Variants in EXOC3L4 observed in about 807,000 individuals in gnomAD.
EXOC3L4 encodes exocyst complex component 3 like 4, also known as exocyst complex component 3-like protein 4.
Under a neutral mutation model 69.7 loss-of-function variants are expected in EXOC3L4, and 62 were observed. The ratio of observed to expected loss-of-function variants is 0.89; its 90% CI spans 0.72 to 1.10. The LOEUF is 1.10. Among genes scored for constraint, EXOC3L4 ranks in the 50% least tolerant of loss-of-function variants. EXOC3L4 has a pLI of 0.00. For synonymous variants in EXOC3L4, 502 were observed against 464.2 expected, an observed-to-expected ratio of 1.08 and a Z score of -1.05; for missense variants, 1,087 against 1,034.8, an observed-to-expected ratio of 1.05 and a Z score of -0.69.
rs371749916 is a variant in EXOC3L4 at position 103,110,254 on chromosome 14, T to C, written c.*31T>C. On this transcript the variant is annotated 3_prime_UTR_variant, in exon 12 of 12. Transcript: ENST00000688303. ...TCTGGCTCGAGGGGGGGCCGGCCGC[T>C]GGCAGGGAGCTGTGGTCAGTGGGGG... 1.9e-4 allele frequency: 288 copies of C among 1,494,802 alleles called. 1 individual carries two copies. In the African/African-American group the frequency reaches 3.4e-3, roughly 18 times the overall value. 92.6% of individuals were successfully genotyped at this position (1,494,802 alleles called of 1,614,324 possible). A position where few individuals can be genotyped will look rare whatever the true frequency, so the allele number is the denominator to read the frequency against.
rs1352186470 is a variant in EXOC3L4, at chr14:103,107,744, C to G, written c.1815C>G (p.Ser605Arg). The G allele has an allele frequency of 2.6e-6, 4 of 1,544,394 alleles. No individual in the cohort carries two copies. Among genetic ancestry groups the G allele is most frequent in the African/African-American group, 1.4e-5 (1 of 73,328 alleles). ...GCATGCATGGCTCCCAGAAGATGAG[C>G]CTGGATGCCCAGGCCATCAGCGACA... ...MERMHGSQKM[S>R]LDAQAISDTF... The change falls in exon 10 of 12, where the codon AGC (serine) becomes AGG (arginine). Residue 605 changes from serine to arginine, a missense_variant. Physicochemically the swap from Ser to Arg is moderately radical, Grantham distance 110 (BLOSUM62 -1). Transcript: ENST00000688303.
rs1566944222 is a variant in EXOC3L4, at chr14:103,097,629, C to T, written c.-16-2575C>T. ...GGTGACCGGGGTAGATGGACAGAGG[C>T]TGCCAGCCCAGTGCAGGAGGGCCAC... On this transcript the variant is annotated intron_variant, in intron 1 of 11. Transcript: ENST00000688303. This position sits in a 1 kb window ranked among gnomAD's most constrained non-coding sequence, Gnocchi z 4.9. Among the ~76,000 whole-genome samples the T allele has an allele frequency of 6.6e-6, 1 of 152,196 alleles. No individual in the cohort carries two copies. Among genetic ancestry groups the T allele is most frequent in the Non-Finnish European group, 1.5e-5 (1 of 68,028 alleles).
chr14:103,107,807 C>T (rs781053459), intron 10 of EXOC3L4, 24 bp downstream of exon 10: 9 of 1,485,488 alleles, frequency 6.1e-6, no homozygotes, highest in East Asian at 2.5e-5. Context: ...GACTGCCCTT[C>T]GGTGCTCGCC....
intron 7 of EXOC3L4, 93 bp from the exon 8 acceptor site, chr14:103,106,670 GCCCCACGGGCTGCCCTTCACAT>G: frequency 3.2e-6 from 2 of 617,944 alleles, no homozygotes; most frequent in East Asian, 5.9e-5. Flanking sequence ...ACAATGGGGA[GCCCCACGGGCTGCCCTTCACAT>G]TGTAGTCTAA....
Position 103,102,375 on chromosome 14 carries a change from G to A in EXOC3L4, c.652G>A (p.Val218Met). Residue 218 changes from valine (V) to methionine (M), a missense_variant, in exon 3 of 12, where the codon GTG becomes ATG. Val to Met is a conservative substitution (Grantham distance 21). Coordinates refer to ENST00000688303, the MANE Select transcript of EXOC3L4 (RefSeq NM_001077594.2). ...AAALAELARV[V>M]SAEEEAHPSP... is the part of the protein sequence containing the mutation. ...CGCGCTGGCCGAGCTGGCCCGCGTG[G>A]TGAGCGCGGAGGAGGAAGCCCACCC... 1 of 1,560,968 alleles carries A rather than the reference G, an allele frequency of 6.4e-7. No homozygotes were observed. Among genetic ancestry groups the A allele is most frequent in the Non-Finnish European group, 8.6e-7 (1 of 1,160,486 alleles).
At chr14:103,104,649 G>C (rs1890429269) in intron 5 of EXOC3L4, 89 bp from the exon 6 acceptor site, 1 of 752,442 alleles carries the variant, frequency 1.3e-6, no homozygotes. Flanking sequence ...ACAGCGGGGC[G>C]GGCTGGAGGC....
At chr14:103,104,877 G>C in intron 6 of EXOC3L4, 39 bp downstream of exon 6, 3 of 1,531,368 alleles carry the variant, frequency 2.0e-6, no homozygotes, top group Non-Finnish European at 1.8e-6. Flanking sequence ...ACCTGGCCGG[G>C]TGCGCTCTGC....
chr14:103,107,288 A>C, intron 8 of EXOC3L4, 136 bp from the exon 9 acceptor site: 1 of 1,365,620 alleles, frequency 7.3e-7, no homozygotes, highest in Non-Finnish European at 1.0e-6. Flanking sequence ...CTCGTGACAT[A>C]ACCTGTGGCT....
At chr14:103,104,694 G>A (rs1021742549) in intron 5 of EXOC3L4, 44 bp from the exon 6 acceptor site, 16 of 1,432,026 alleles carry the variant, frequency 1.1e-5, no homozygotes, top group African/African-American at 1.5e-5. Context: ...GCGGCCTCAG[G>A]TCGGGGGCTG....
intron 10 of EXOC3L4, among the ~76,000 whole-genome samples, chr14:103,108,045 T>G (rs1478621274): frequency 1.3e-5 from 2 of 152,100 alleles, no homozygotes; most frequent in Admixed American, 1.3e-4. Flanking sequence ...GTCAGGGCCT[T>G]TGGGAGGTGT....
At chr14:103,109,925 G>A (rs1890827384) in intron 11 of EXOC3L4, 106 bp from the exon 12 acceptor site, 12 of 1,206,248 alleles carry the variant, frequency 9.9e-6, no homozygotes, top group Non-Finnish European at 1.4e-5. Context: ...ATCCTGGAAT[G>A]CAGAGTGACT....
In EXOC3L4 at chr14:103,102,429, C is replaced by T. The variant is rs762358612; in HGVS notation, c.706C>T (p.Arg236Cys). Residue 236 changes from arginine (R) to cysteine (C), a missense_variant, in exon 3 of 12, where the codon CGC (arginine) becomes TGC (cysteine). By Grantham distance (180) the Arg-to-Cys change is radical. Coordinates refer to ENST00000688303, the MANE Select transcript of EXOC3L4 (RefSeq NM_001077594.2). Reference sequence around the variant, plus strand: ...TCCCCCCGACGACGGCGACTTCCTGCGCACGCCGCGCCGCTGGCGCCAGCA... The same window carrying T: ...TCCCCCCGACGACGGCGACTTCCTGTGCACGCCGCGCCGCTGGCGCCAGCA... ...PSPPDDGDFL[R>C]TPRRWRQHWE... 2.2e-5 allele frequency: 33 copies of T among 1,516,818 alleles called. No individual in the cohort carries two copies. The highest frequency in any genetic ancestry group is 2.6e-5 in the Non-Finnish European group (30 of 1,141,134). 94.0% of individuals were successfully genotyped at this position (1,516,818 alleles called of 1,614,324 possible). A position where few individuals can be genotyped will look rare whatever the true frequency, so the allele number is the denominator to read the frequency against.
chr14:103,104,181 G>GT, intron 4 of EXOC3L4, 86 bp from the exon 5 acceptor site: 1 of 1,453,370 alleles, frequency 6.9e-7, no homozygotes, highest in South Asian at 1.4e-5. Context: ...GCGCGGGCTT[G>GT]TGACCCGACA....
chr14:103,104,115 GCGGCGCCCAGGCTAT>G, intron 4 of EXOC3L4, 63 bp downstream of exon 4: 2 of 1,455,698 alleles, frequency 1.4e-6, no homozygotes, highest in Non-Finnish European at 1.8e-6. Flanking sequence ...GGGGGGATGT[GCGGCGCCCAGGCTAT>G]CGGCGGCCAG....
intron 2 of EXOC3L4, 132 bp downstream of exon 2, chr14:103,100,745 A>T: frequency 8.2e-7 from 1 of 1,223,386 alleles, no homozygotes; most frequent in Non-Finnish European, 1.1e-6. Context: ...GCAATTCTTT[A>T]TTTATTTGAG....
rs149177401 is a variant in EXOC3L4 at position 103,100,438 on chromosome 14, G to C, written c.219G>C (p.Thr73=). Residue 73 remains threonine (T), a synonymous_variant, in exon 2 of 12, where the codon ACG becomes ACC. Coordinates refer to ENST00000688303, the MANE Select transcript of EXOC3L4 (RefSeq NM_001077594.2). The part of the protein sequence containing the change: ...RALTQVSKED[T]GLFRRSSCSL... ...TGACCCAGGTCTCCAAGGAAGATACGGGCCTGTTCCGGCGAAGCTCCTGCT... is the reference window on the plus strand; with the variant it reads ...TGACCCAGGTCTCCAAGGAAGATACCGGCCTGTTCCGGCGAAGCTCCTGCT... 6.2e-7 allele frequency: 1 copy of C among 1,613,318 alleles called. No individual in the cohort carries two copies. Among genetic ancestry groups the C allele is most frequent in the Non-Finnish European group, 8.5e-7 (1 of 1,179,890 alleles).
chr14:103,108,433 G>A lies in EXOC3L4; in HGVS notation c.1892G>A (p.Cys631Tyr). The A allele has an allele frequency of 3.7e-6, 6 of 1,613,868 alleles. No individual in the cohort carries two copies. Among genetic ancestry groups the A allele is most frequent in the Non-Finnish European group, 5.1e-6 (6 of 1,179,874 alleles). ...EATWLDQAIQ[C>Y]VAEILGETYK... is the part of the protein sequence containing the mutation. ...ACATGGTTGGACCAAGCCATCCAGT[G>A]CGTGGCTGAGATCCTGGGCGAGACC... Residue 631 changes from cysteine (C) to tyrosine (Y), a missense_variant, in exon 11 of 12, where the codon TGC (cysteine) becomes TAC (tyrosine). Physicochemically the swap from Cys to Tyr is radical, Grantham distance 194. Transcript: ENST00000688303.
intron 5 of EXOC3L4, 111 bp from the exon 6 acceptor site, chr14:103,104,627 A>C (rs1308531013): frequency 1.2e-5 from 15 of 1,264,032 alleles, no homozygotes; most frequent in Admixed American, 3.2e-5. Context: ...GGAGGGGCCA[A>C]GACTGACAGG....
At position 103,097,302 on chromosome 14, in the gene EXOC3L4, C is replaced by T. The variant is rs1021079865; in HGVS notation, c.-17+2462C>T. ...AGTGGGACCCGGGGCTCAGGCCGGG[C>T]GTCAGTCTCTGGGGCCTTGCAATCA... is the stretch of plus-strand genomic sequence containing the variant. On this transcript the variant is annotated intron_variant, in intron 1 of 11. Coordinates refer to ENST00000688303, the MANE Select transcript of EXOC3L4 (RefSeq NM_001077594.2). This position sits in a 1 kb window ranked among gnomAD's most constrained non-coding sequence, Gnocchi z 4.9. Among the ~76,000 whole-genome samples the T allele has an allele frequency of 7.2e-5, 11 of 152,122 alleles. No homozygotes were observed. The highest frequency in any genetic ancestry group is 1.3e-4 in the Non-Finnish European group (9 of 68,000).
Sources: allele counts gnomAD v4.1 joint callset (sites outside exome capture counted in the v4.1 genomes callset), GRCh38; gene constraint gnomAD v4.1.1; non-coding constraint Gnocchi (gnomAD v3.1); transcripts MANE v1.5; gene names NCBI Gene and HGNC (gene_info 2026-07-23, HGNC 2026-07-21).